GLI2: variants seen among roughly 807,000 people sequenced by gnomAD.
GLI2 encodes transcription activator GLI2.
GLI2 carries 22 observed loss-of-function variants against 78.9 expected under a neutral mutation model. The ratio of observed to expected loss-of-function variants is 0.28; its 90% CI spans 0.20 to 0.40. The LOEUF (loss-of-function observed/expected upper bound fraction) is 0.40, where lower values mean the gene tolerates loss of function less well. Among genes scored for constraint, GLI2 ranks in the 10% least tolerant of loss-of-function variants. The pLI, the probability that GLI2 is intolerant of heterozygous loss-of-function variation, is 1.00. For synonymous variants in GLI2, 974 were observed against 963.7 expected (o/e 1.01, Z -0.20); for missense variants, 2,097 against 2,213.2 (o/e 0.95, Z 1.05).
chr2:120,846,251 GTCCCTGGCCCT>G (rs1179990394), intron 2 of GLI2, among the ~76,000 whole-genome samples: 1 of 152,218 alleles, frequency 6.6e-6, no homozygotes, highest in Non-Finnish European at 1.5e-5. Flanking sequence ...CATGCTCCTG[GTCCCTGGCCCT>G]TCCATGTGCA....
rs2105088610 is a variant in GLI2 at position 120,988,801 on chromosome 2, G to A, written c.2836G>A (p.Gly946Ser). 2.2e-6 allele frequency: 3 copies of A among 1,393,700 alleles called. No homozygotes were observed. Among genetic ancestry groups the A allele is most frequent in the Non-Finnish European group, 1.9e-6 (2 of 1,073,514 alleles). The allele number at this position is 1,393,700 out of a possible 1,614,324, so 86.3% of individuals were successfully genotyped here. A position where few individuals can be genotyped will look rare whatever the true frequency, so the allele number is the denominator to read the frequency against. Residue 946 changes from glycine to serine, a missense_variant, in exon 14 of 14, where the codon GGC becomes AGC. Transcript: ENST00000361492. ...AAPAFPHEAPGGGARRASDPV... is the reference protein window; with the variant it reads ...AAPAFPHEAPSGGARRASDPV... ...GCCCGCCTTCCCCCACGAGGCTCCAGGCGGCGGAGCCAGGCGGGCCAGCGA... is the reference window on the plus strand; with the variant it reads ...GCCCGCCTTCCCCCACGAGGCTCCAAGCGGCGGAGCCAGGCGGGCCAGCGA...
At chr2:120,980,247 C>T (rs899314760) in intron 10 of GLI2, among the ~76,000 whole-genome samples, 1 of 152,150 alleles carries the variant, frequency 6.6e-6, no homozygotes, top group African/African-American at 2.4e-5. Flanking sequence ...ACCTTTCCAC[C>T]CACAATGAAT....
At chr2:120,954,884 CCTT>C (rs957882551) in intron 4 of GLI2, among the ~76,000 whole-genome samples, 2 of 152,162 alleles carry the variant, frequency 1.3e-5, no homozygotes, top group African/African-American at 4.8e-5. Context: ...TCTGTTTGCA[CCTT>C]CTTTTAACTT....
chr2:120,968,629 C>A, intron 5 of GLI2, 85 bp from the exon 6 acceptor site: 2 of 1,015,412 alleles, frequency 2.0e-6, no homozygotes, highest in Non-Finnish European at 1.6e-6. Flanking sequence ...ACCATCCTTG[C>A]AGGCTCTTCC....
intron 1 of GLI2, among the ~76,000 whole-genome samples, chr2:120,757,868 T>G (rs1172199158): frequency 6.6e-6 from 1 of 152,198 alleles, no homozygotes; most frequent in Non-Finnish European, 1.5e-5. Context: ...CATTGCCTGA[T>G]GTTCATTGTC....
chr2:120,879,538 A>T (rs1456412076), intron 2 of GLI2, among the ~76,000 whole-genome samples: 1 of 152,108 alleles, frequency 6.6e-6, no homozygotes, highest in Non-Finnish European at 1.5e-5. Flanking sequence ...AGCAGTTAGG[A>T]GGAGGATGGT....
chr2:120,877,850 A>G (rs1558851154), intron 2 of GLI2, among the ~76,000 whole-genome samples: 1 of 152,040 alleles, frequency 6.6e-6, no homozygotes, highest in Non-Finnish European at 1.5e-5. Flanking sequence ...GGTCTCGATG[A>G]ATGTCTATGT....
chr2:120,912,221 C>A (rs1356033256), intron 2 of GLI2, among the ~76,000 whole-genome samples: 1 of 151,096 alleles, frequency 6.6e-6, no homozygotes, highest in African/African-American at 2.4e-5. Context: ...GAAGTAGACT[C>A]TGTCTGCTTT....
intron 1 of GLI2, among the ~76,000 whole-genome samples, chr2:120,762,546 C>T (rs962553353): frequency 2.0e-5 from 3 of 152,214 alleles, no homozygotes; most frequent in Admixed American, 6.5e-5. Context: ...GGCACAAGCA[C>T]ACCTCTTCCT....
rs1683282241 is a variant in GLI2 at position 120,991,195 on chromosome 2, T to C, written c.*520T>C. The C allele has an allele frequency of 6.4e-6, 1 of 156,286 alleles. No individual in the cohort carries two copies. Among genetic ancestry groups the C allele is most frequent in the South Asian group, 1.9e-4 (1 of 5,152 alleles). The allele number at this position is 156,286 out of a possible 1,614,324, so 9.7% of individuals were successfully genotyped here. A position where few individuals can be genotyped will look rare whatever the true frequency, so the allele number is the denominator to read the frequency against. On this transcript the variant is annotated 3_prime_UTR_variant, in exon 14 of 14. Coordinates refer to ENST00000361492, the MANE Select transcript of GLI2 (RefSeq NM_001374353.1). ...TAACTCTTGAGGTCTCTAACATACC[T>C]TGTCATAGAGGAAAAGCACAGATTA...
rs200723250 is a variant in GLI2 at position 120,797,313 on chromosome 2, C to T, written c.-8C>T. The T allele has an allele frequency of 6.1e-5, 98 of 1,613,676 alleles. No individual in the cohort carries two copies. Among genetic ancestry groups the T allele is most frequent in the East Asian group, 6.0e-4 (27 of 44,872 alleles). ...TAGGATTGCCACCCAGGACGATGAG[C>T]GGCTGAGATGGAGACGTCTGCCTCA... On this transcript the variant is annotated 5_prime_UTR_variant, in exon 2 of 14. Transcript: ENST00000361492.
In GLI2 at chr2:120,955,850, C is replaced by T. The variant is rs114122001; in HGVS notation, c.643+420C>T. Among the ~76,000 whole-genome samples, 1,304 of 151,850 alleles carry T rather than the reference C, an allele frequency of 8.6e-3. 17 individuals carry two copies. Among genetic ancestry groups the T allele is most frequent in the African/African-American group, 0.028 (1,162 of 41,384 alleles). ...CACTGGGAAGTTGAAATCTGGGGGG[C>T]GAGTGCTCCAGGCAGAGGAAACTGC... On this transcript the variant is annotated intron_variant, in intron 5 of 13. Transcript: ENST00000361492.
At chr2:120,867,091 C>T (rs1225802319) in intron 2 of GLI2, 1 of 152,330 alleles carries the variant, frequency 6.6e-6, no homozygotes, top group Non-Finnish European at 1.5e-5. Flanking sequence ...CTTCCCGGGC[C>T]TCAATTTCCC....
intron 3 of GLI2, among the ~76,000 whole-genome samples, chr2:120,946,765 A>G (rs1169870121): frequency 6.6e-6 from 1 of 152,122 alleles, no homozygotes; most frequent in Non-Finnish European, 1.5e-5. Flanking sequence ...GGGGCCTGGG[A>G]TGGGGGCAAG....
At chr2:120,791,255 T>C (rs1376497599) in intron 1 of GLI2, among the ~76,000 whole-genome samples, 2 of 152,154 alleles carry the variant, frequency 1.3e-5, no homozygotes, top group Non-Finnish European at 2.9e-5. Context: ...TGAGTGTAAA[T>C]TTGTCTGGAT....
intron 1 of GLI2, among the ~76,000 whole-genome samples, chr2:120,784,150 T>A (rs1683925839): frequency 1.3e-5 from 2 of 152,200 alleles, no homozygotes; most frequent in African/African-American, 4.8e-5. Context: ...GCATGCTTAC[T>A]GGATGCCAAC....
chr2:120,803,607 C>T lies in GLI2; in HGVS notation c.148+6139C>T, dbSNP rs541534464. ...TGGAAATCAGACCTGGGTGCCTGTC[C>T]CACTTTGCTTTGCTCCCAGGGCCTG... On this transcript the variant is annotated intron_variant, in intron 2 of 13. Coordinates refer to ENST00000361492, the MANE Select transcript of GLI2 (RefSeq NM_001374353.1). Among the ~76,000 whole-genome samples the T allele has an allele frequency of 2.0e-5, 3 of 152,198 alleles. No homozygotes were observed. In the South Asian group the frequency reaches 6.2e-4, roughly 32 times the overall value.
At chr2:120,976,782 C>T (rs1027991727) in intron 9 of GLI2, among the ~76,000 whole-genome samples, 1 of 152,186 alleles carries the variant, frequency 6.6e-6, no homozygotes, top group African/African-American at 2.4e-5. Flanking sequence ...GCCACCTCCA[C>T]CAGGCCCTGG....
chr2:120,954,121 T>C (rs1195797477), intron 4 of GLI2, among the ~76,000 whole-genome samples: 2 of 152,030 alleles, frequency 1.3e-5, no homozygotes, highest in Non-Finnish European at 2.9e-5. Context: ...CAGATTAGGC[T>C]CAAGAGCAGC....
Sources: gnomAD v4.1 joint callset for allele counts (sites outside exome capture counted in the v4.1 genomes callset) on GRCh38, gnomAD v4.1.1 for gene constraint, MANE v1.5 for transcripts, NCBI Gene and HGNC (gene_info 2026-07-23, HGNC 2026-07-21) for gene names.